Variants in ATP2B2 observed in about 807,000 individuals in gnomAD.
ATP2B2 encodes ATPase plasma membrane Ca2+ transporting 2.
Under a neutral mutation model 120.0 loss-of-function variants are expected in ATP2B2, and 15 were observed. The observed-to-expected ratio is 0.12, with a 90% CI of 0.08 to 0.19. ATP2B2 has a LOEUF of 0.19. Among genes scored for constraint, ATP2B2 ranks in the 10% least tolerant of loss-of-function variants. The pLI is 1.00. For synonymous variants in ATP2B2, 694 were observed against 700.3 expected (o/e 0.99, Z 0.14); for missense variants, 1,045 against 1,719.8 (o/e 0.61, Z 6.94).
chr3:10,559,955 G>A (rs1433887477), intron 2 of ATP2B2, among the ~76,000 whole-genome samples: 3 of 152,220 alleles, frequency 2.0e-5, no homozygotes, highest in Admixed American at 6.5e-5. Flanking sequence ...TGTTTTGGGA[G>A]GAGTAAAGTT....
intron 2 of ATP2B2, among the ~76,000 whole-genome samples, chr3:10,575,740 T>C (rs2068229977): frequency 6.6e-6 from 1 of 152,194 alleles, no homozygotes. Flanking sequence ...GGCAGCCCTC[T>C]GTTGTCTCTG....
chr3:10,624,728 G>A (rs1048058240), intron 1 of ATP2B2, among the ~76,000 whole-genome samples: 1 of 152,140 alleles, frequency 6.6e-6, no homozygotes, highest in Admixed American at 6.5e-5. Context: ...ATGCATGAAT[G>A]AATGCATGAA....
intron 2 of ATP2B2, among the ~76,000 whole-genome samples, chr3:10,542,928 G>A (rs1339700417): frequency 6.6e-6 from 1 of 152,022 alleles, no homozygotes; most frequent in Non-Finnish European, 1.5e-5. Flanking sequence ...TACTTTTTCA[G>A]CCCCATCCTC....
intron 1 of ATP2B2, among the ~76,000 whole-genome samples, chr3:10,482,952 C>A (rs1036009650): frequency 1.3e-5 from 2 of 152,234 alleles, no homozygotes; most frequent in African/African-American, 2.4e-5. Context: ...CCCTGACAAC[C>A]AACCCGTGCA....
chr3:10,698,255 A>G (rs138828720), intron 1 of ATP2B2, among the ~76,000 whole-genome samples: 292 of 152,222 alleles, frequency 1.9e-3, no homozygotes, highest in Admixed American at 4.3e-3. Flanking sequence ...ACGCAGAGAT[A>G]CCTCCTGCCT....
chr3:10,506,215 G>A (rs1016440122), upstream of ATP2B2, among the ~76,000 whole-genome samples: 1 of 152,074 alleles, frequency 6.6e-6, no homozygotes, highest in African/African-American at 2.4e-5. Context: ...GCCCGCAGCA[G>A]CTCTCTGCTG....
chr3:10,359,023 G>T (rs2060820657), intron 13 of ATP2B2, 98 bp from the exon 14 acceptor site: 2 of 1,188,140 alleles, frequency 1.7e-6, no homozygotes, highest in Non-Finnish European at 2.4e-6. Flanking sequence ...AGCTAGCTGT[G>T]GCTGGTCATC....
chr3:10,551,670 C>T (rs1022049751), intron 2 of ATP2B2, among the ~76,000 whole-genome samples: 3 of 152,234 alleles, frequency 2.0e-5, no homozygotes, highest in Admixed American at 2.0e-4. Context: ...CACAATTGCT[C>T]ACAATTATGT....
chr3:10,451,367 A>G (rs1230322640), intron 1 of ATP2B2, among the ~76,000 whole-genome samples: 1 of 150,594 alleles, frequency 6.6e-6, no homozygotes, highest in Non-Finnish European at 1.5e-5. Context: ...ACCCTGGGCA[A>G]GTTCCTTCAG....
rs377169065 is a variant in ATP2B2, at chr3:10,478,039, C to T, written c.-320+27426G>A. ...TGTTCTAATTTCCCCACGTTCTGGCCAATACCTATTTTCTGTTTTTTGGTG... is the reference window on the plus strand; with the variant it reads ...TGTTCTAATTTCCCCACGTTCTGGCTAATACCTATTTTCTGTTTTTTGGTG... On this transcript the variant is annotated intron_variant, in intron 1 of 22. Transcript: ENST00000360273. 6.6e-5 allele frequency among the ~76,000 whole-genome samples: 10 copies of T among 152,320 alleles called. 1 individual carries two copies. The highest frequency in any genetic ancestry group is 1.7e-4 in the African/African-American group (7 of 41,566).
intron 3 of ATP2B2, among the ~76,000 whole-genome samples, chr3:10,515,305 G>A (rs1015217576): frequency 7.9e-5 from 12 of 152,162 alleles, no homozygotes; most frequent in Admixed American, 4.6e-4. Flanking sequence ...GGGTGTTCAG[G>A]GATGTCTAGC....
intron 22 of ATP2B2, among the ~76,000 whole-genome samples, chr3:10,331,260 A>G (rs1367705229): frequency 6.6e-6 from 1 of 152,224 alleles, no homozygotes; most frequent in Non-Finnish European, 1.5e-5. Flanking sequence ...ATCTCCTGAA[A>G]AGTGAGCCGT....
At chr3:10,539,883 TAA>T (rs1229406270) in intron 2 of ATP2B2, among the ~76,000 whole-genome samples, 2 of 152,112 alleles carry the variant, frequency 1.3e-5, no homozygotes, top group African/African-American at 4.8e-5. Flanking sequence ...CTAATTAAAC[TAA>T]AGAGCTTCTG....
At chr3:10,432,982 TC>T (rs1366137289) in intron 2 of ATP2B2, among the ~76,000 whole-genome samples, 1 of 152,150 alleles carries the variant, frequency 6.6e-6, no homozygotes, top group Non-Finnish European at 1.5e-5. Flanking sequence ...GACAGGCACC[TC>T]CACACACATG....
chr3:10,533,007 G>A (rs1197314116), intron 3 of ATP2B2, among the ~76,000 whole-genome samples: 1 of 152,214 alleles, frequency 6.6e-6, no homozygotes, highest in Non-Finnish European at 1.5e-5. Flanking sequence ...CTCTGGCTCC[G>A]AGGACAAGCT....
chr3:10,506,820 G>A (rs1408170944), upstream of ATP2B2, among the ~76,000 whole-genome samples: 1 of 152,194 alleles, frequency 6.6e-6, no homozygotes, highest in African/African-American at 2.4e-5. Context: ...CCCACCTCCT[G>A]CCCACCTCTG....
chr3:10,669,263 A>C (rs1044435484), intron 1 of ATP2B2, among the ~76,000 whole-genome samples: 1 of 152,180 alleles, frequency 6.6e-6, no homozygotes, highest in Non-Finnish European at 1.5e-5. Context: ...GGTTACAGCA[A>C]GGAAAGGCTG....
At chr3:10,477,506 C>T (rs1463904542) in intron 1 of ATP2B2, among the ~76,000 whole-genome samples, 1 of 152,198 alleles carries the variant, frequency 6.6e-6, no homozygotes, top group East Asian at 1.9e-4. Context: ...AGAACGTTTT[C>T]CTCTTCCCAA....
intron 1 of ATP2B2, among the ~76,000 whole-genome samples, chr3:10,670,928 T>C (rs556152975): frequency 6.6e-6 from 1 of 152,320 alleles, no homozygotes; most frequent in East Asian, 1.9e-4. Context: ...TCCCCATCAC[T>C]ACAGACATCC....
Sources: allele counts gnomAD v4.1 joint callset (sites outside exome capture counted in the v4.1 genomes callset), GRCh38; gene constraint gnomAD v4.1.1; transcripts MANE v1.5; gene names NCBI Gene and HGNC (gene_info 2026-07-23, HGNC 2026-07-21).